Variants in TMTC2 observed in about 807,000 individuals in gnomAD.
The protein encoded by TMTC2 is protein O-mannosyl-transferase TMTC2.
In TMTC2, 43 loss-of-function variants were observed where a neutral mutation model predicts 82.4. The observed-to-expected ratio is 0.52, with a 90% confidence interval of 0.41 to 0.67. The LOEUF (loss-of-function observed/expected upper bound fraction) is 0.67. Among genes scored for constraint, TMTC2 ranks in the 30% least tolerant of loss-of-function variants. The pLI is 0.00. For missense variants in TMTC2, 919 were observed against 1,012.4 expected (o/e 0.91, Z 1.25); for synonymous variants, 408 against 381.9 (o/e 1.07, Z -0.80).
At chr12:82,857,671 T>G in intron 2 of TMTC2, 91 bp downstream of exon 2, 2 of 1,223,136 alleles carry the variant, frequency 1.6e-6, no homozygotes, top group Non-Finnish European at 2.2e-6. Context: ...TTTATTCCTC[T>G]GCAAGCGGAA....
At chr12:82,778,686 A>G (rs1182093713) in intron 1 of TMTC2, among the ~76,000 whole-genome samples, 5 of 151,788 alleles carry the variant, frequency 3.3e-5, no homozygotes, top group South Asian at 4.2e-4. Flanking sequence ...CGTCTCTACT[A>G]AAAATACAAA....
chr12:82,914,703 A>G (rs1312181390), intron 3 of TMTC2, among the ~76,000 whole-genome samples: 3 of 152,076 alleles, frequency 2.0e-5, no homozygotes, highest in African/African-American at 4.8e-5. Context: ...ATAATAATCC[A>G]TTAATGAAAT....
At chr12:83,041,806 C>T (rs1023303547) in intron 9 of TMTC2, among the ~76,000 whole-genome samples, 3 of 152,110 alleles carry the variant, frequency 2.0e-5, no homozygotes, top group Admixed American at 6.6e-5. Flanking sequence ...CGTAAGTACA[C>T]GCTCACTTAA....
At chr12:83,131,858 T>G (rs1885264548) in intron 11 of TMTC2, among the ~76,000 whole-genome samples, 1 of 152,220 alleles carries the variant, frequency 6.6e-6, no homozygotes, top group Non-Finnish European at 1.5e-5. Context: ...ATTGAAATTT[T>G]TATAAATTCT....
At chr12:82,804,121 A>G (rs1029432061) in intron 1 of TMTC2, among the ~76,000 whole-genome samples, 3 of 152,150 alleles carry the variant, frequency 2.0e-5, no homozygotes, top group African/African-American at 7.2e-5. Flanking sequence ...GAAGAACTGG[A>G]AAGAAGAGAG....
chr12:82,732,412 G>A (rs1253159756), intron 1 of TMTC2, among the ~76,000 whole-genome samples: 1 of 151,688 alleles, frequency 6.6e-6, no homozygotes, highest in Non-Finnish European at 1.5e-5. Context: ...GCGCGATCTC[G>A]GCTCACTGCA....
chr12:82,957,432 G>A (rs1325605992), intron 4 of TMTC2, among the ~76,000 whole-genome samples: 3 of 152,092 alleles, frequency 2.0e-5, no homozygotes, highest in African/African-American at 7.2e-5. Flanking sequence ...AAAAGGCTAG[G>A]AAGATTTTAA....
intron 1 of TMTC2, among the ~76,000 whole-genome samples, chr12:82,790,781 C>T (rs575038447): frequency 3.3e-5 from 5 of 149,838 alleles, no homozygotes; most frequent in African/African-American, 9.8e-5. Flanking sequence ...GAGCTGAGAT[C>T]GCGCCTTTGC....
intron 3 of TMTC2, among the ~76,000 whole-genome samples, chr12:82,900,783 G>A (rs1873954930): frequency 8.9e-6 from 1 of 112,416 alleles, no homozygotes; most frequent in Non-Finnish European, 1.8e-5. Context: ...TATATATATA[G>A]GAATATATAT....
At chr12:82,882,510 G>T (rs1030302058) in intron 2 of TMTC2, among the ~76,000 whole-genome samples, 1 of 151,880 alleles carries the variant, frequency 6.6e-6, no homozygotes, top group Non-Finnish European at 1.5e-5. Context: ...CGCTTATTCT[G>T]TTTTCTTTCA....
intron 8 of TMTC2, among the ~76,000 whole-genome samples, chr12:82,998,494 A>G (rs896308815): frequency 6.6e-6 from 1 of 152,232 alleles, no homozygotes; most frequent in South Asian, 2.1e-4. Context: ...AAAACCAGTC[A>G]TAAGTTTGAA....
intron 7 of TMTC2, among the ~76,000 whole-genome samples, chr12:82,984,897 A>G (rs1252200965): frequency 1.3e-5 from 2 of 152,064 alleles, no homozygotes; most frequent in African/African-American, 4.8e-5. Flanking sequence ...GCTAAAATAT[A>G]TATTATTAGA....
At chr12:82,937,728 G>GTGTGTGTGTGT (rs1565818033) in intron 4 of TMTC2, among the ~76,000 whole-genome samples, 1 of 116,640 alleles carries the variant, frequency 8.6e-6, no homozygotes, top group Non-Finnish European at 1.7e-5. Context: ...GTGTGTGTGT[G>GTGTGTGTGTGT]GATGTGTGTG....
chr12:82,839,276 C>G (rs1219737791), intron 1 of TMTC2, among the ~76,000 whole-genome samples: 1 of 152,142 alleles, frequency 6.6e-6, no homozygotes, highest in East Asian at 1.9e-4. Flanking sequence ...TCATCCTATT[C>G]TGTTATTCTC....
intron 1 of TMTC2, among the ~76,000 whole-genome samples, chr12:82,689,058 A>G (rs1464805164): frequency 6.6e-6 from 1 of 152,222 alleles, no homozygotes; most frequent in Non-Finnish European, 1.5e-5. Context: ...TTTACGCAGC[A>G]TACTGATTTT....
At chr12:82,790,813 G>A (rs535774880) in intron 1 of TMTC2, among the ~76,000 whole-genome samples, 32 of 149,114 alleles carry the variant, frequency 2.1e-4, no homozygotes, top group African/African-American at 7.2e-4. Flanking sequence ...GGCAATAAGG[G>A]TGAAACTCTG....
chr12:82,719,639 G>A (rs1874100674), intron 1 of TMTC2, among the ~76,000 whole-genome samples: 1 of 145,408 alleles, frequency 6.9e-6, no homozygotes, highest in Non-Finnish European at 1.5e-5. Flanking sequence ...GCATATGCCT[G>A]ATTGAGGAAA....
At chr12:82,833,367 C>T (rs1030991136) in intron 1 of TMTC2, among the ~76,000 whole-genome samples, 7 of 152,246 alleles carry the variant, frequency 4.6e-5, no homozygotes, top group Non-Finnish European at 1.0e-4. Context: ...TTCAGAATTA[C>T]TTGTGAGGCT....
chr12:82,854,680 C>G lies in TMTC2; in HGVS notation c.84-2330C>G, dbSNP rs1056763750. Reference sequence around the variant, plus strand: ...AGAGAATAGATATTGGGTGATATCCCTGATATAGTGAACCATCCCGGCCAC... The same window carrying G: ...AGAGAATAGATATTGGGTGATATCCGTGATATAGTGAACCATCCCGGCCAC... On this transcript the variant is annotated intron_variant, in intron 1 of 11. Coordinates refer to ENST00000321196, the MANE Select transcript of TMTC2 (RefSeq NM_152588.3). Among the ~76,000 whole-genome samples, 8 of 152,178 alleles carry G rather than the reference C, an allele frequency of 5.3e-5. No individual in the cohort carries two copies. The East Asian group carries it at 1.5e-3, about 29-fold the overall frequency.
Sources: allele counts gnomAD v4.1 joint callset (sites outside exome capture counted in the v4.1 genomes callset), GRCh38; gene constraint gnomAD v4.1.1; transcripts MANE v1.5; gene names NCBI Gene and HGNC (gene_info 2026-07-23, HGNC 2026-07-21).